Variants in MAP2 observed in about 807,000 individuals in gnomAD.
MAP2 encodes microtubule-associated protein 2.
In MAP2, 14 loss-of-function variants were observed where a neutral mutation model predicts 137.6. The observed-to-expected ratio is 0.10, with a 90% confidence interval of 0.07 to 0.16. The LOEUF (loss-of-function observed/expected upper bound fraction) is 0.16, where lower values mean the gene tolerates loss of function less well. Among genes scored for constraint, MAP2 ranks in the 10% least tolerant of loss-of-function variants. MAP2 has a pLI of 1.00. For synonymous variants in MAP2, 786 were observed against 782.3 expected, an observed-to-expected ratio of 1.00 and a Z score of -0.08; for missense variants, 2,088 against 2,191.5, an observed-to-expected ratio of 0.95 and a Z score of 0.94.
intron 4 of MAP2, among the ~76,000 whole-genome samples, chr2:209,647,667 G>T (rs754652507): frequency 1.3e-5 from 2 of 152,164 alleles, no homozygotes; most frequent in African/African-American, 2.4e-5. Flanking sequence ...AAGAATCTTC[G>T]ATTTTTCATA....
intron 3 of MAP2, among the ~76,000 whole-genome samples, chr2:209,602,231 A>G (rs1344416766): frequency 6.6e-6 from 1 of 152,226 alleles, no homozygotes; most frequent in Admixed American, 6.5e-5. Context: ...TCAAAAAGAA[A>G]ACAGTTGAGG....
intron 1 of MAP2, among the ~76,000 whole-genome samples, chr2:209,430,317 CT>C (rs995907562): frequency 3.8e-4 from 57 of 151,722 alleles, no homozygotes; most frequent in African/African-American, 1.3e-3. Context: ...TCTCAGCCTG[CT>C]AATTTTGTCT....
intron 3 of MAP2, among the ~76,000 whole-genome samples, chr2:209,593,402 A>T (rs1352224586): frequency 6.7e-5 from 10 of 150,318 alleles, no homozygotes; most frequent in African/African-American, 2.4e-4. Flanking sequence ...TCGCTGTTGT[A>T]AGTTCCTTTG....
intron 13 of MAP2, among the ~76,000 whole-genome samples, chr2:209,717,144 G>A (rs2068010390): frequency 1.3e-5 from 2 of 152,160 alleles, no homozygotes; most frequent in South Asian, 4.1e-4. Context: ...AGCTACCCAA[G>A]ACTGGGAAAT....
intron 2 of MAP2, among the ~76,000 whole-genome samples, chr2:209,545,911 C>T (rs1445306861): frequency 9.2e-5 from 14 of 152,060 alleles, no homozygotes; most frequent in African/African-American, 3.1e-4. Flanking sequence ...GAGGCCGAGG[C>T]GGGCGGATCA....
intron 12 of MAP2, among the ~76,000 whole-genome samples, chr2:209,709,446 T>C (rs1191772592): frequency 6.6e-6 from 1 of 152,136 alleles, no homozygotes; most frequent in African/African-American, 2.4e-5. Context: ...GTGTCCTAAA[T>C]ACATGGTTCT....
intron 1 of MAP2, among the ~76,000 whole-genome samples, chr2:209,465,585 A>G (rs1477956282): frequency 6.6e-6 from 1 of 152,110 alleles, no homozygotes; most frequent in Non-Finnish European, 1.5e-5. Context: ...GGGTTTTAAA[A>G]TTCTTTCCAT....
At chr2:209,684,111 G>A (rs958174022) in intron 7 of MAP2, among the ~76,000 whole-genome samples, 1 of 152,106 alleles carries the variant, frequency 6.6e-6, no homozygotes, top group Non-Finnish European at 1.5e-5. Flanking sequence ...TGATTATGAT[G>A]TTTTCAAATT....
chr2:209,597,959 C>G (rs1391039954), intron 3 of MAP2, among the ~76,000 whole-genome samples: 1 of 152,170 alleles, frequency 6.6e-6, no homozygotes, highest in South Asian at 2.1e-4. Flanking sequence ...GCCCATCTTC[C>G]TACAAGACTA....
intron 2 of MAP2, among the ~76,000 whole-genome samples, chr2:209,562,280 AATTT>A (rs1226659719): frequency 2.0e-5 from 3 of 152,140 alleles, no homozygotes; most frequent in African/African-American, 2.4e-5. Context: ...CAATATTACT[AATTT>A]ATTTATTTCC....
chr2:209,547,277 C>T (rs781153374), intron 2 of MAP2, among the ~76,000 whole-genome samples: 9 of 151,912 alleles, frequency 5.9e-5, no homozygotes, highest in Non-Finnish European at 1.2e-4. Context: ...TCACACAGAG[C>T]CACTACCCCC....
Position 209,469,580 on chromosome 2 carries a change from A to C in MAP2, c.-221-38012A>C, listed in dbSNP as rs539028847. On this transcript the variant is annotated intron_variant, in intron 1 of 15. Coordinates refer to ENST00000682079, the MANE Select transcript of MAP2 (RefSeq NM_001375505.1). ...TAGGAAGAGAAGCAATGATATGCTC[A>C]TTCCATCCTTTATCCTTTCTTACTC... Among the ~76,000 whole-genome samples, 4 of 152,188 alleles carry C rather than the reference A, an allele frequency of 2.6e-5. No homozygotes were observed. In the South Asian group the frequency reaches 8.3e-4, roughly 32 times the overall value.
intron 1 of MAP2, among the ~76,000 whole-genome samples, chr2:209,478,858 G>T (rs1223619488): frequency 6.6e-6 from 1 of 152,130 alleles, no homozygotes; most frequent in Non-Finnish European, 1.5e-5. Context: ...ATTTTCATCA[G>T]ACATTCTCCC....
chr2:209,588,227 G>A (rs1346115639), intron 3 of MAP2, among the ~76,000 whole-genome samples: 1 of 152,210 alleles, frequency 6.6e-6, no homozygotes, highest in African/African-American at 2.4e-5. Context: ...GCATTCAATT[G>A]TTAAGAGTCT....
chr2:209,452,825 C>T (rs1700625669), intron 1 of MAP2, among the ~76,000 whole-genome samples: 1 of 152,120 alleles, frequency 6.6e-6, no homozygotes, highest in South Asian at 2.1e-4. Context: ...AACTCCTTTG[C>T]TGCAATCTTA....
At chr2:209,674,354 C>T (rs1032296281) in intron 5 of MAP2, among the ~76,000 whole-genome samples, 1 of 151,634 alleles carries the variant, frequency 6.6e-6, no homozygotes, top group Non-Finnish European at 1.5e-5. Context: ...GTATTCCAGG[C>T]CTGTTATATA....
intron 2 of MAP2, among the ~76,000 whole-genome samples, chr2:209,574,423 T>C: frequency 7.6e-6 from 1 of 131,184 alleles, no homozygotes; most frequent in East Asian, 2.0e-4. Context: ...TAGAGCTGCA[T>C]AGTATAGATA....
chr2:209,579,124 C>A (rs1328215280), intron 2 of MAP2, among the ~76,000 whole-genome samples: 1 of 152,090 alleles, frequency 6.6e-6, no homozygotes, highest in Non-Finnish European at 1.5e-5. Flanking sequence ...AATGACAAAA[C>A]ATCAACAAAT....
At chr2:209,717,592 CATT>C (rs2068227016) in intron 13 of MAP2, among the ~76,000 whole-genome samples, 1 of 152,036 alleles carries the variant, frequency 6.6e-6, no homozygotes, top group Non-Finnish European at 1.5e-5. Context: ...AATTTTCCCT[CATT>C]ATATGAAATT....
Sources: gnomAD v4.1 joint callset for allele counts (sites outside exome capture counted in the v4.1 genomes callset) on GRCh38, gnomAD v4.1.1 for gene constraint, MANE v1.5 for transcripts, NCBI Gene and HGNC (gene_info 2026-07-23, HGNC 2026-07-21) for gene names.